The following APOOL variants were observed in gnomAD, a reference collection of about 807,000 sequenced individuals.
APOOL encodes apolipoprotein O like.
Under a neutral mutation model 23.1 loss-of-function variants are expected in APOOL, and 12 were observed. The observed-to-expected ratio is 0.52, with a 90% CI of 0.33 to 0.84. The LOEUF (loss-of-function observed/expected upper bound fraction) is 0.84. Ranked by LOEUF, APOOL falls within the 40% of genes least tolerant of loss-of-function variation. The pLI is 0.02. For missense variants in APOOL, 212 were observed against 199.6 expected (o/e 1.06, Z -0.37); for synonymous variants, 77 against 69.9 (o/e 1.10, Z -0.51).
chrX:85,032,348 C>G (rs767987269), intron 1 of APOOL, among the ~76,000 whole-genome samples: 5 of 110,919 alleles, frequency 4.5e-5, no homozygotes, highest in African/African-American at 1.6e-4. Flanking sequence ...AACCCGGTCT[C>G]TACTAAAAAT....
rs761003045 is a variant in APOOL, at chrX:85,019,220, G to A, written c.15+15293G>A. ...GTGGGTGTTCCCTTCAATTTTATAT[G>A]TTGGAAACTAATACCGTATGTGACA... is the stretch of plus-strand genomic sequence containing the variant. On this transcript the variant is annotated intron_variant, in intron 1 of 8. Transcript: ENST00000373173. Among the ~76,000 whole-genome samples, 3 of 111,531 alleles carry A rather than the reference G, an allele frequency of 2.7e-5. No homozygotes were observed. The East Asian group carries it at 8.4e-4, about 31-fold the overall frequency.
intron 1 of APOOL, among the ~76,000 whole-genome samples, chrX:85,019,626 G>A (rs1021902880): frequency 1.8e-5 from 2 of 112,116 alleles, no homozygotes; most frequent in African/African-American, 6.5e-5. Flanking sequence ...GGTGTGCACG[G>A]AACTGCTGTG....
At chrX:85,031,585 GT>G (rs1764028975) in intron 1 of APOOL, among the ~76,000 whole-genome samples, 1 of 111,501 alleles carries the variant, frequency 9.0e-6, no homozygotes, top group African/African-American at 3.3e-5. Context: ...GAAGGGCAGG[GT>G]TTTGGTAAGT....
chrX:85,047,927 G>A (rs1333079456), intron 2 of APOOL, among the ~76,000 whole-genome samples: 1 of 111,563 alleles, frequency 9.0e-6, no homozygotes, highest in Non-Finnish European at 1.9e-5. Flanking sequence ...CTGTATGAAT[G>A]TACTACCATC....
chrX:85,081,237 T>C (rs1924088239), intron 8 of APOOL, among the ~76,000 whole-genome samples: 1 of 111,959 alleles, frequency 8.9e-6, no homozygotes, highest in Admixed American at 9.5e-5. Context: ...CGGTTGTTCC[T>C]TTCCATGTTT....
chrX:85,032,005 T>C (rs922137025), intron 1 of APOOL, among the ~76,000 whole-genome samples: 8 of 111,710 alleles, frequency 7.2e-5, no homozygotes, highest in African/African-American at 2.0e-4. Flanking sequence ...CTAATTTTTT[T>C]CCCCAGATAT....
intron 5 of APOOL, among the ~76,000 whole-genome samples, chrX:85,064,163 A>C (rs1019217538): frequency 1.8e-5 from 2 of 110,835 alleles, no homozygotes; most frequent in Non-Finnish European, 3.8e-5. Context: ...TTTGCATAGA[A>C]GTGTTTATAG....
intron 5 of APOOL, among the ~76,000 whole-genome samples, chrX:85,056,954 T>C: frequency 9.0e-6 from 1 of 111,445 alleles, no homozygotes; most frequent in South Asian, 3.8e-4. Context: ...TCACTATAGC[T>C]CTGTCTTTTT....
chrX:85,050,465 G>A (rs1039320869), intron 2 of APOOL, among the ~76,000 whole-genome samples: 1 of 109,997 alleles, frequency 9.1e-6, no homozygotes, highest in Non-Finnish European at 1.9e-5. Context: ...ATAGTTTCAT[G>A]TTTGTTGTTG....
Position 85,092,819 on chromosome X carries a change from C to A in APOOL, c.*5141C>A, listed in dbSNP as rs1924567694. On this transcript the variant is annotated 3_prime_UTR_variant, in exon 9 of 9. Transcript: ENST00000373173. ...TACAGAAAAGGTGTACCTAAAAGAA[C>A]ACATGTTCTCATATGTTTCCAAAAT... The A allele has an allele frequency of 5.9e-6, 2 of 336,346 alleles. No homozygotes were observed. Among genetic ancestry groups the A allele is most frequent in the African/African-American group, 5.2e-5 (2 of 38,253 alleles). 27.7% of individuals were successfully genotyped at this position (336,346 alleles called of 1,213,427 possible).
chrX:85,042,154 A>G lies in APOOL; in HGVS notation c.16-4292A>G, dbSNP rs1375712164. ...TGAAATGAAGAAAATAATACAAAAG[A>G]TCAATGAAACAAAACGTTGGTTGTT... is the stretch of plus-strand genomic sequence containing the variant. On this transcript the variant is annotated intron_variant, in intron 1 of 8. Transcript: ENST00000373173. Among the ~76,000 whole-genome samples the G allele has an allele frequency of 3.6e-5, 4 of 112,110 alleles. No individual in the cohort carries two copies. The East Asian group carries it at 1.1e-3, about 31-fold the overall frequency.
intron 6 of APOOL, among the ~76,000 whole-genome samples, chrX:85,067,627 A>AAAC (rs767856410): frequency 2.2e-5 from 2 of 90,406 alleles, no homozygotes; most frequent in African/African-American, 8.3e-5. Context: ...CTGAAGGTAA[A>AAAC]ACACACACAC....
intron 5 of APOOL, among the ~76,000 whole-genome samples, chrX:85,057,379 G>A (rs1277531254): frequency 9.2e-6 from 1 of 108,389 alleles, no homozygotes. Context: ...TGTTTTTCCA[G>A]CTATAGTCCT....
intron 1 of APOOL, 85 bp downstream of exon 1, chrX:85,004,012 G>A: frequency 8.8e-7 from 1 of 1,135,889 alleles, no homozygotes; most frequent in African/African-American, 1.8e-5. Flanking sequence ...ACTTCTGAAG[G>A]AGCCCTGAAA....
intron 2 of APOOL, among the ~76,000 whole-genome samples, chrX:85,051,132 G>T (rs1304311433): frequency 1.8e-5 from 2 of 111,385 alleles, no homozygotes; most frequent in African/African-American, 6.5e-5. Flanking sequence ...AAAGACAGTA[G>T]TTTCTCTAAA....
intron 8 of APOOL, among the ~76,000 whole-genome samples, chrX:85,079,198 G>A (rs1468125362): frequency 9.0e-6 from 1 of 111,711 alleles, no homozygotes. Context: ...TCCAGTTTTT[G>A]CCCATTCAGT....
intron 5 of APOOL, among the ~76,000 whole-genome samples, chrX:85,060,195 T>C (rs1343599796): frequency 9.5e-6 from 1 of 104,779 alleles, no homozygotes; most frequent in African/African-American, 3.5e-5. Context: ...TGTAGATATG[T>C]GGCATTATTT....
intron 8 of APOOL, among the ~76,000 whole-genome samples, chrX:85,079,987 C>A (rs944210709): frequency 1.2e-4 from 13 of 111,499 alleles, no homozygotes; most frequent in African/African-American, 4.2e-4. Context: ...CTCTTTTCTT[C>A]TTTATTAGTC....
chrX:85,089,928 A>G lies in APOOL; in HGVS notation c.*2250A>G, dbSNP rs1001540424. 1 of 104,846 alleles carries G rather than the reference A, an allele frequency of 9.5e-6. No individual in the cohort carries two copies. The highest frequency in any genetic ancestry group is 1.9e-5 in the Non-Finnish European group (1 of 51,357). 8.6% of individuals were successfully genotyped at this position (104,846 alleles called of 1,213,427 possible). On this transcript the variant is annotated 3_prime_UTR_variant, in exon 9 of 9. Transcript: ENST00000373173. ...AGAATATGTTCTGCTTGCAGGTGAC[A>G]GTAAACTAGTTAAACAAATATTTAA... is the stretch of plus-strand genomic sequence containing the variant.
Sources: allele counts gnomAD v4.1 joint callset (sites outside exome capture counted in the v4.1 genomes callset), GRCh38; gene constraint gnomAD v4.1.1; transcripts MANE v1.5; gene names NCBI Gene and HGNC (gene_info 2026-07-23, HGNC 2026-07-21).